RAB36: variants seen among roughly 807,000 people sequenced by gnomAD.
RAB36 encodes ras-related protein Rab-36.
In RAB36, 33 loss-of-function variants were observed where a neutral mutation model predicts 39.3. That is an observed-to-expected ratio of 0.84 (90% CI 0.64 to 1.12). The LOEUF is 1.12. Among genes scored for constraint, RAB36 ranks in the 50% most tolerant of loss-of-function variants. The pLI, the probability that RAB36 is intolerant of heterozygous loss-of-function variation, is 0.00. For missense variants in RAB36, 308 were observed against 355.3 expected (o/e 0.87, Z 1.07); for synonymous variants, 133 against 140.2 (o/e 0.95, Z 0.36).
intron 9 of RAB36, 145 bp from the exon 10 acceptor site, chr22:23,160,734 C>A: frequency 8.6e-7 from 1 of 1,162,230 alleles, no homozygotes; most frequent in Non-Finnish European, 1.2e-6. Flanking sequence ...GGGCTGTGCC[C>A]TCCTGGGGTC....
chr22:23,152,562 C>G (rs2071214746), intron 4 of RAB36, 36 bp downstream of exon 4: 2 of 1,597,396 alleles, frequency 1.3e-6, no homozygotes, highest in Middle Eastern at 1.7e-4. Flanking sequence ...GCCACCTCCC[C>G]CAGCACCAGG....
chr22:23,146,746 C>G (rs1400439559), intron 2 of RAB36, 61 bp downstream of exon 2: 1 of 1,589,404 alleles, frequency 6.3e-7, no homozygotes, highest in East Asian at 2.3e-5. Flanking sequence ...GCTCTCCCCA[C>G]TCTACACTCA....
At chr22:23,155,094 T>C (rs2071380912) in intron 5 of RAB36, among the ~76,000 whole-genome samples, 1 of 152,052 alleles carries the variant, frequency 6.6e-6, no homozygotes, top group Non-Finnish European at 1.5e-5. Context: ...CATTACACTC[T>C]AGCCTGGGCA....
chr22:23,155,811 G>A (rs5759607), intron 5 of RAB36, among the ~76,000 whole-genome samples, 157 bp from the exon 6 acceptor site: 34,493 of 152,228 alleles, frequency 0.23, 4,441 homozygotes, highest in East Asian at 0.35. Flanking sequence ...GGAGCTGGGG[G>A]TAGGGACATC....
intron 2 of RAB36, among the ~76,000 whole-genome samples, 178 bp downstream of exon 2, chr22:23,146,863 A>G (rs1224550245): frequency 1.3e-5 from 2 of 152,168 alleles, no homozygotes; most frequent in Non-Finnish European, 2.9e-5. Context: ...CCGCAAGTTA[A>G]TGGTGACACT....
chr22:23,145,688 C>T (rs1226097772), intron 1 of RAB36, 137 bp downstream of exon 1: 2 of 1,089,622 alleles, frequency 1.8e-6, no homozygotes, highest in Non-Finnish European at 1.3e-6. Context: ...CCTGCGGCCC[C>T]GGGGCGTCCT....
chr22:23,161,826 C>A lies in RAB36; in HGVS notation c.*262C>A, dbSNP rs970790541. 15 of 485,440 alleles carry A rather than the reference C, an allele frequency of 3.1e-5. No homozygotes were observed. Among genetic ancestry groups the A allele is most frequent in the Middle Eastern group, 5.5e-4 (1 of 1,818 alleles). 30.1% of individuals were successfully genotyped at this position (485,440 alleles called of 1,614,324 possible). A position where few individuals can be genotyped will look rare whatever the true frequency, so the allele number is the denominator to read the frequency against. On this transcript the variant is annotated 3_prime_UTR_variant, in exon 11 of 11. Coordinates refer to ENST00000263116, the MANE Select transcript of RAB36 (RefSeq NM_004914.5). Reference sequence around the variant, plus strand: ...GCCAGTGCAGGCACTGTGGTGATCCCATAAAAGGCCAGTCCATTTGCAGGG... The same window carrying A: ...GCCAGTGCAGGCACTGTGGTGATCCAATAAAAGGCCAGTCCATTTGCAGGG...
downstream of RAB36, among the ~76,000 whole-genome samples, chr22:23,169,211 CAA>C (rs913323918): frequency 6.6e-6 from 1 of 152,236 alleles, no homozygotes; most frequent in African/African-American, 2.4e-5. Context: ...TCTCACTGGA[CAA>C]AGATGGCCCT....
At chr22:23,168,614 C>A (rs2146631220), downstream of RAB36, among the ~76,000 whole-genome samples, 1 of 152,336 alleles carries the variant, frequency 6.6e-6, no homozygotes, top group Non-Finnish European at 1.5e-5. Flanking sequence ...TCCCATATGT[C>A]AGCCTTCCCC....
At chr22:23,151,643 AG>A (rs1397332399) in intron 3 of RAB36, among the ~76,000 whole-genome samples, 1 of 152,186 alleles carries the variant, frequency 6.6e-6, no homozygotes, top group Non-Finnish European at 1.5e-5. Flanking sequence ...GTTACTCAGG[AG>A]GCTGAGGTGG....
At chr22:23,145,974 C>T in intron 1 of RAB36, 2 of 985,364 alleles carry the variant, frequency 2.0e-6, no homozygotes, top group Non-Finnish European at 2.4e-6. Flanking sequence ...GAGCAGGAGA[C>T]CCCTCCCCAC....
Position 23,162,382 on chromosome 22 carries a change from C to T in RAB36, c.*818C>T, listed in dbSNP as rs2071858854. ...TGTCCTAGGGTAACTCACTCTGCAG[C>T]CCTTGAACATGGCACTGCCCTCCTC... On this transcript the variant is annotated 3_prime_UTR_variant, in exon 11 of 11. Coordinates refer to ENST00000263116, the MANE Select transcript of RAB36 (RefSeq NM_004914.5). 2.9e-6 allele frequency: 1 copy of T among 344,000 alleles called. No individual in the cohort carries two copies. The highest frequency in any genetic ancestry group is 2.2e-5 in the South Asian group (1 of 44,886). 21.3% of individuals were successfully genotyped at this position (344,000 alleles called of 1,614,324 possible).
Position 23,161,710 on chromosome 22 carries a change from G to A in RAB36, c.*146G>A, listed in dbSNP as rs1034864585. 3.0e-5 allele frequency: 21 copies of A among 688,748 alleles called. No individual in the cohort carries two copies. The highest frequency in any genetic ancestry group is 7.2e-5 in the African/African-American group (4 of 55,326). 42.7% of individuals were successfully genotyped at this position (688,748 alleles called of 1,614,324 possible). A position where few individuals can be genotyped will look rare whatever the true frequency, so the allele number is the denominator to read the frequency against. On this transcript the variant is annotated 3_prime_UTR_variant, in exon 11 of 11. Transcript: ENST00000263116. ...GTTCCAGTCCCTCCACCCACCCACCGGGCTCAGCTCCAGGGCACAGTCACT... is the reference window on the plus strand; with the variant it reads ...GTTCCAGTCCCTCCACCCACCCACCAGGCTCAGCTCCAGGGCACAGTCACT...
At chr22:23,161,355 T>A (rs1402170872) in intron 10 of RAB36, 145 bp from the exon 11 acceptor site, 2 of 801,312 alleles carry the variant, frequency 2.5e-6, no homozygotes, top group Non-Finnish European at 4.2e-6. Flanking sequence ...AGGCCCTCTC[T>A]TGGCTTGTGT....
intron 4 of RAB36, 125 bp from the exon 5 acceptor site, chr22:23,152,908 C>T (rs574438027): frequency 1.0e-4 from 74 of 720,224 alleles, no homozygotes; most frequent in Middle Eastern, 2.4e-4. Context: ...CCATGGCCTG[C>T]GTGGACCATC....
At chr22:23,156,658 C>T (rs1228367290) in intron 6 of RAB36, among the ~76,000 whole-genome samples, 6 of 152,188 alleles carry the variant, frequency 3.9e-5, no homozygotes, top group Admixed American at 2.0e-4. Flanking sequence ...TATAAGGCAC[C>T]GATATGTCTA....
rs574125655 is a variant in RAB36 at position 23,155,836 on chromosome 22, C to T, written c.330-132C>T. 6.2e-4 allele frequency: 455 copies of T among 734,158 alleles called. 2 individuals are homozygous for T. The highest frequency in any genetic ancestry group is 1.4e-3 in the South Asian group (73 of 52,774). The allele number at this position is 734,158 out of a possible 1,614,324, so 45.5% of individuals were successfully genotyped here. A position where few individuals can be genotyped will look rare whatever the true frequency, so the allele number is the denominator to read the frequency against. On this transcript the variant is annotated intron_variant, in intron 5 of 10. Coordinates refer to ENST00000263116, the MANE Select transcript of RAB36 (RefSeq NM_004914.5). ...GTAGGGACATCTGGCTCACAACAGG[C>T]ACTTCCTGAAGCCCATGCAGCTGGC...
chr22:23,168,505 C>CACACAG (rs2072087023), downstream of RAB36, among the ~76,000 whole-genome samples: 1 of 152,194 alleles, frequency 6.6e-6, no homozygotes, highest in East Asian at 1.9e-4. Flanking sequence ...GCCACACACA[C>CACACAG]ACACAGACAC....
chr22:23,149,459 TGGACAGC>T (rs2070980603), intron 2 of RAB36, among the ~76,000 whole-genome samples: 1 of 152,118 alleles, frequency 6.6e-6, no homozygotes, highest in Admixed American at 6.6e-5. Flanking sequence ...CCAAGAAACG[TGGACAGC>T]AGAAAGCGCC....
Sources: gnomAD v4.1 joint callset for allele counts (sites outside exome capture counted in the v4.1 genomes callset) on GRCh38, gnomAD v4.1.1 for gene constraint, MANE v1.5 for transcripts, NCBI Gene and HGNC (gene_info 2026-07-23, HGNC 2026-07-21) for gene names.